The following WWOX variants were observed in gnomAD, a reference collection of about 807,000 sequenced individuals.
WWOX encodes the protein WW domain containing oxidoreductase, also known as WW domain-containing oxidoreductase.
A neutral mutation model predicts 46.2 loss-of-function variants in WWOX; 69 were observed. The ratio of observed to expected loss-of-function variants is 1.49; its 90% CI spans 1.23 to 1.82. WWOX has a LOEUF of 1.82. WWOX is among the 40% of genes most tolerant of loss of function. The pLI is 0.00. For synonymous variants in WWOX, 359 were observed against 202.6 expected, an observed-to-expected ratio of 1.77 and a Z score of -6.56; for missense variants, 919 against 542.6, an observed-to-expected ratio of 1.69 and a Z score of -6.89.
At chr16:78,278,688 A>T (rs1221246743) in intron 5 of WWOX, 6 of 1,580,010 alleles carry the variant, frequency 3.8e-6, no homozygotes, top group Non-Finnish European at 4.3e-6. Context: ...GATCTTGAAT[A>T]GTCTCATCAA....
At chr16:79,057,613 T>A (rs1480716837) in intron 8 of WWOX, among the ~76,000 whole-genome samples, 3 of 152,138 alleles carry the variant, frequency 2.0e-5, no homozygotes, top group Non-Finnish European at 4.4e-5. Context: ...AGTCCTTTGA[T>A]CCTTGAATGA....
chr16:78,334,361 T>A (rs1298385331), intron 5 of WWOX, among the ~76,000 whole-genome samples: 1 of 152,164 alleles, frequency 6.6e-6, no homozygotes, highest in African/African-American at 2.4e-5. Flanking sequence ...CCAAAGTCGA[T>A]TTTCAAATTA....
chr16:78,700,584 A>G (rs1388947845), intron 8 of WWOX, among the ~76,000 whole-genome samples: 2 of 152,226 alleles, frequency 1.3e-5, no homozygotes, highest in East Asian at 3.9e-4. Flanking sequence ...GAAACCCACC[A>G]GGTCCAAGGA....
intron 5 of WWOX, among the ~76,000 whole-genome samples, chr16:78,311,339 A>G (rs567184908): frequency 2.6e-5 from 4 of 152,316 alleles, no homozygotes; most frequent in African/African-American, 9.6e-5. Context: ...AACACTTAAC[A>G]GAGTCAAGCT....
At chr16:78,787,862 A>G (rs765141580) in intron 8 of WWOX, among the ~76,000 whole-genome samples, 6 of 152,170 alleles carry the variant, frequency 3.9e-5, no homozygotes, top group African/African-American at 9.7e-5. Context: ...ATGAAATTGT[A>G]TCGTGGTTTT....
intron 8 of WWOX, among the ~76,000 whole-genome samples, chr16:78,573,220 AGCTT>A (rs1454223692): frequency 6.6e-6 from 1 of 152,194 alleles, no homozygotes; most frequent in Non-Finnish European, 1.5e-5. Context: ...CAGGAGGCAG[AGCTT>A]GCAGTGAGCC....
intron 8 of WWOX, among the ~76,000 whole-genome samples, chr16:78,697,180 A>G (rs548377702): frequency 7.2e-5 from 11 of 152,334 alleles, no homozygotes; most frequent in African/African-American, 2.2e-4. Context: ...GAAGATACCC[A>G]TTAGTGGGAT....
chr16:78,103,384 C>A lies in WWOX; in HGVS notation c.107+3499C>A, dbSNP rs573544525. The stretch of plus-strand genomic sequence containing the variant: ...CAACCCATCACCTAGTTGTTCAGCC[C>A]CCCGTGCATTAGCTATTTATTGTAT... On this transcript the variant is annotated intron_variant, in intron 1 of 8. Transcript: ENST00000566780. 1.3e-4 allele frequency among the ~76,000 whole-genome samples: 20 copies of A among 152,140 alleles called. No individual in the cohort carries two copies. The East Asian group carries it at 3.7e-3, about 28-fold the overall frequency.
intron 6 of WWOX, among the ~76,000 whole-genome samples, chr16:78,403,954 C>G (rs1394603139): frequency 6.6e-6 from 1 of 152,076 alleles, no homozygotes; most frequent in Non-Finnish European, 1.5e-5. Flanking sequence ...CAAAGTTCAC[C>G]AAGACAAATA....
At chr16:78,817,967 C>T (rs753893015) in intron 8 of WWOX, among the ~76,000 whole-genome samples, 1 of 152,170 alleles carries the variant, frequency 6.6e-6, no homozygotes, top group Non-Finnish European at 1.5e-5. Flanking sequence ...TTGGAATTAA[C>T]ACCTATGGAA....
chr16:78,395,270 G>T (rs1285385141), intron 6 of WWOX, among the ~76,000 whole-genome samples: 1 of 152,202 alleles, frequency 6.6e-6, no homozygotes, highest in Non-Finnish European at 1.5e-5. Flanking sequence ...TGTTATCCCA[G>T]CACTTTGGGA....
chr16:78,614,980 G>T (rs575080869), intron 8 of WWOX, among the ~76,000 whole-genome samples: 128 of 152,146 alleles, frequency 8.4e-4, no homozygotes, highest in Middle Eastern at 3.4e-3. Context: ...ATCACGTTTT[G>T]CTCTGGGCTG....
chr16:78,576,007 A>G (rs984046048), intron 8 of WWOX, among the ~76,000 whole-genome samples: 24 of 152,110 alleles, frequency 1.6e-4, no homozygotes, highest in African/African-American at 5.6e-4. Context: ...CATGTACTGG[A>G]TTATCATTTA....
intron 8 of WWOX, among the ~76,000 whole-genome samples, chr16:78,767,225 A>G (rs937686184): frequency 2.0e-5 from 3 of 151,778 alleles, no homozygotes; most frequent in East Asian, 1.9e-4. Flanking sequence ...GGCTTCAGTG[A>G]TCCTCCCACC....
chr16:78,740,762 T>A (rs1434390238), intron 8 of WWOX, among the ~76,000 whole-genome samples: 1 of 152,126 alleles, frequency 6.6e-6, no homozygotes, highest in Non-Finnish European at 1.5e-5. Flanking sequence ...TCCACCCTGG[T>A]GGATATCTTG....
chr16:78,819,496 C>T (rs764920050), intron 8 of WWOX, among the ~76,000 whole-genome samples: 1 of 152,246 alleles, frequency 6.6e-6, no homozygotes, highest in Non-Finnish European at 1.5e-5. Context: ...CTGCATAATC[C>T]ACCACTTAAT....
chr16:78,417,805 T>G (rs2082833045), intron 6 of WWOX, among the ~76,000 whole-genome samples: 1 of 152,194 alleles, frequency 6.6e-6, no homozygotes, highest in African/African-American at 2.4e-5. Flanking sequence ...AGGGACTGTG[T>G]ATTGACAATT....
intron 8 of WWOX, among the ~76,000 whole-genome samples, chr16:78,769,552 TA>T (rs2050013382): frequency 7.1e-6 from 1 of 140,862 alleles, no homozygotes; most frequent in Non-Finnish European, 1.5e-5. Context: ...TTTATTTATT[TA>T]TTTATTTATT....
chr16:78,255,249 A>G (rs552050001), intron 5 of WWOX, among the ~76,000 whole-genome samples: 1 of 152,190 alleles, frequency 6.6e-6, no homozygotes, highest in Admixed American at 6.5e-5. Flanking sequence ...CACTATGTTT[A>G]TGAGCTTACA....
Sources: gnomAD v4.1 joint callset for allele counts (sites outside exome capture counted in the v4.1 genomes callset) on GRCh38, gnomAD v4.1.1 for gene constraint, MANE v1.5 for transcripts, NCBI Gene and HGNC (gene_info 2026-07-23, HGNC 2026-07-21) for gene names.